The following CSMD1 variants were observed in gnomAD, a reference collection of about 807,000 sequenced individuals.
CSMD1 encodes the protein CUB and sushi domain-containing protein 1.
CSMD1 carries 213 observed loss-of-function variants against 417.5 expected under a neutral mutation model. The observed-to-expected ratio is 0.51, with a 90% CI of 0.46 to 0.57. The LOEUF (loss-of-function observed/expected upper bound fraction) is 0.57, where lower values mean the gene tolerates loss of function less well. Among genes scored for constraint, CSMD1 ranks in the 20% least tolerant of loss-of-function variants. CSMD1 has a pLI of 0.00. For missense variants in CSMD1, 6,923 were observed against 4,529.7 expected, an observed-to-expected ratio of 1.53 and a Z score of -15.17; for synonymous variants, 2,862 against 1,736.8, an observed-to-expected ratio of 1.65 and a Z score of -16.11.
intron 1 of CSMD1, among the ~76,000 whole-genome samples, chr8:4,747,490 G>C (rs761379371): frequency 6.6e-6 from 1 of 152,164 alleles, no homozygotes; most frequent in Admixed American, 6.5e-5. Context: ...GCCCTCCTAA[G>C]TAGAGAAACA....
intron 2 of CSMD1, among the ~76,000 whole-genome samples, chr8:4,577,091 T>TAC (rs1799173242): frequency 6.6e-6 from 1 of 152,214 alleles, no homozygotes; most frequent in African/African-American, 2.4e-5. Flanking sequence ...AATTTGTATA[T>TAC]ACACACACAT....
intron 5 of CSMD1, among the ~76,000 whole-genome samples, chr8:3,865,013 C>G (rs1804985418): frequency 1.3e-5 from 2 of 152,168 alleles, no homozygotes; most frequent in South Asian, 4.1e-4. Flanking sequence ...GAGGTGCTAG[C>G]TAATCTCCTA....
intron 3 of CSMD1, among the ~76,000 whole-genome samples, chr8:4,401,139 G>C (rs914844773): frequency 2.0e-5 from 3 of 152,104 alleles, no homozygotes; most frequent in Non-Finnish European, 4.4e-5. Context: ...TCTGTTTGAA[G>C]CTGGGAGTCG....
chr8:3,952,149 C>T (rs1367859682), intron 5 of CSMD1, among the ~76,000 whole-genome samples: 1 of 152,034 alleles, frequency 6.6e-6, no homozygotes, highest in Non-Finnish European at 1.5e-5. Flanking sequence ...AGTATGGTCG[C>T]AGAAACCTTC....
At chr8:4,074,427 A>T (rs1799716979) in intron 3 of CSMD1, among the ~76,000 whole-genome samples, 1 of 152,098 alleles carries the variant, frequency 6.6e-6, no homozygotes. Context: ...AGTTTTTTGT[A>T]CATGATTATT....
At chr8:4,733,950 T>C (rs1202993956) in intron 1 of CSMD1, among the ~76,000 whole-genome samples, 2 of 152,202 alleles carry the variant, frequency 1.3e-5, no homozygotes, top group Non-Finnish European at 2.9e-5. Flanking sequence ...CAAGAGGCTG[T>C]ATGAAGTTAG....
At chr8:3,016,671 C>T (rs1432021323) in intron 52 of CSMD1, among the ~76,000 whole-genome samples, 1 of 152,078 alleles carries the variant, frequency 6.6e-6, no homozygotes, top group African/African-American at 2.4e-5. Flanking sequence ...CTCTATGTCT[C>T]TTCCAATTTT....
At chr8:3,926,108 C>CACACACACACACACACAAACACCAT (rs1563218371) in intron 5 of CSMD1, among the ~76,000 whole-genome samples, 4,071 of 78,818 alleles carry the variant, frequency 0.052, 288 homozygotes, top group South Asian at 0.083. Context: ...CACACACACA[C>CACACACACACACACACAAACACCAT]ACACACACAC....
chr8:3,576,297 A>C (rs1800148981), intron 9 of CSMD1, among the ~76,000 whole-genome samples: 2 of 149,660 alleles, frequency 1.3e-5, no homozygotes, highest in African/African-American at 2.5e-5. Context: ...AATAATAATA[A>C]TAATACAAAT....
chr8:4,666,723 G>T (rs577277382), intron 1 of CSMD1, among the ~76,000 whole-genome samples: 1 of 152,104 alleles, frequency 6.6e-6, no homozygotes, highest in Admixed American at 6.6e-5. Context: ...TTCTTACTGA[G>T]ATTTGAGAGT....
At position 4,353,577 on chromosome 8, in the gene CSMD1, A is replaced by G. The variant is rs78799297; in HGVS notation, c.415+66376T>C. Among the ~76,000 whole-genome samples the G allele has an allele frequency of 4.5e-3, 680 of 152,160 alleles. 2 individuals are homozygous for G. Among genetic ancestry groups the G allele is most frequent in the Non-Finnish European group, 7.3e-3 (494 of 68,010 alleles). ...ATACTAGATCACGAATAAAGCCCAA[A>G]GTAGCATATCCTGAAGCACATGCAT... is the stretch of plus-strand genomic sequence containing the variant. On this transcript the variant is annotated intron_variant, in intron 3 of 69. Coordinates refer to ENST00000635120, the MANE Select transcript of CSMD1 (RefSeq NM_033225.6).
intron 3 of CSMD1, among the ~76,000 whole-genome samples, chr8:4,109,454 A>C (rs2130905661): frequency 6.6e-6 from 1 of 152,324 alleles, no homozygotes; most frequent in African/African-American, 2.4e-5. Context: ...TGAGTACCAC[A>C]CCACTAAATA....
chr8:4,316,792 A>C (rs1326025765), intron 3 of CSMD1, among the ~76,000 whole-genome samples: 1 of 152,172 alleles, frequency 6.6e-6, no homozygotes, highest in Non-Finnish European at 1.5e-5. Flanking sequence ...AAGTAAATCT[A>C]TATTGTGCTT....
intron 3 of CSMD1, among the ~76,000 whole-genome samples, chr8:4,221,222 C>A (rs1274695102): frequency 6.6e-6 from 1 of 152,240 alleles, no homozygotes; most frequent in East Asian, 1.9e-4. Context: ...ATTTCAAATA[C>A]AACATATATA....
chr8:4,244,647 C>T (rs1016326330), intron 3 of CSMD1, among the ~76,000 whole-genome samples: 1 of 151,922 alleles, frequency 6.6e-6, no homozygotes, highest in East Asian at 1.9e-4. Flanking sequence ...CAAAACTGAT[C>T]CAAGTTATTA....
intron 1 of CSMD1, among the ~76,000 whole-genome samples, chr8:4,970,934 T>C (rs1810200880): frequency 6.6e-6 from 1 of 152,136 alleles, no homozygotes; most frequent in Non-Finnish European, 1.5e-5. Context: ...TACCTTACAA[T>C]TCCTTGTTAA....
chr8:4,257,232 A>G (rs952674530), intron 3 of CSMD1, among the ~76,000 whole-genome samples: 2 of 152,092 alleles, frequency 1.3e-5, no homozygotes, highest in Non-Finnish European at 2.9e-5. Flanking sequence ...GACTAATACT[A>G]TTCTGCCATG....
At chr8:3,768,201 G>C (rs749607193) in intron 5 of CSMD1, among the ~76,000 whole-genome samples, 3 of 152,160 alleles carry the variant, frequency 2.0e-5, no homozygotes, top group Non-Finnish European at 4.4e-5. Flanking sequence ...AGGAAGAGTG[G>C]TTCCTGGCAT....
rs542177626 is a variant in CSMD1 at position 4,849,688 on chromosome 8, T to C, written c.85+144644A>G. Among the ~76,000 whole-genome samples the C allele has an allele frequency of 7.9e-5, 12 of 152,308 alleles. No homozygotes were observed. The East Asian group carries it at 2.3e-3, about 29-fold the overall frequency. ...GTCCATATTATTTAGTGCAGTAACATGCTGTACAGATTTGAAGCTTAGGGG... is the reference window on the plus strand; with the variant it reads ...GTCCATATTATTTAGTGCAGTAACACGCTGTACAGATTTGAAGCTTAGGGG... On this transcript the variant is annotated intron_variant, in intron 1 of 69. Coordinates refer to ENST00000635120, the MANE Select transcript of CSMD1 (RefSeq NM_033225.6).
Sources: allele counts gnomAD v4.1 joint callset (sites outside exome capture counted in the v4.1 genomes callset), GRCh38; gene constraint gnomAD v4.1.1; transcripts MANE v1.5; gene names NCBI Gene and HGNC (gene_info 2026-07-23, HGNC 2026-07-21).